Variants in SGIP1 observed in about 807,000 individuals in gnomAD.
SGIP1 encodes the protein SH3-containing GRB2-like protein 3-interacting protein 1.
A neutral mutation model predicts 107.5 loss-of-function variants in SGIP1; 38 were observed. The observed-to-expected ratio is 0.35, with a 90% CI of 0.27 to 0.46. SGIP1 has a LOEUF of 0.46. Ranked by LOEUF, SGIP1 falls within the 20% of genes least tolerant of loss-of-function variation. The pLI is 1.00. For missense variants in SGIP1, 929 were observed against 1,019.5 expected (o/e 0.91, Z 1.21); for synonymous variants, 365 against 366.1 (o/e 1.00, Z 0.03).
intron 2 of SGIP1, among the ~76,000 whole-genome samples, chr1:66,631,372 A>C (rs2074648179): frequency 6.6e-6 from 1 of 152,170 alleles, no homozygotes; most frequent in African/African-American, 2.4e-5. Context: ...AATTTTTTCA[A>C]ACTGGTTAAT....
At position 66,745,705 on chromosome 1, in the gene SGIP1, C is replaced by T. The variant is rs1319708385; in HGVS notation, c.*2610C>T. ...AAGAAATTGTTCTAGTTAACCAGAA[C>T]ACCATTTCCTGAACGTTATGATCTT... On this transcript the variant is annotated 3_prime_UTR_variant, in exon 25 of 25. Transcript: ENST00000371037. 3 of 152,044 alleles carry T rather than the reference C, an allele frequency of 2.0e-5. No individual in the cohort carries two copies. The highest frequency in any genetic ancestry group is 7.2e-5 in the African/African-American group (3 of 41,432). The allele number at this position is 152,044 out of a possible 1,614,324, so 9.4% of individuals were successfully genotyped here. A position where few individuals can be genotyped will look rare whatever the true frequency, so the allele number is the denominator to read the frequency against.
intron 1 of SGIP1, among the ~76,000 whole-genome samples, chr1:66,538,252 T>C (rs1053249758): frequency 1.3e-5 from 2 of 152,120 alleles, no homozygotes; most frequent in African/African-American, 4.8e-5. Flanking sequence ...AGCTGTTCAT[T>C]TTGTATTTAG....
chr1:66,748,144 T>A lies in SGIP1; in HGVS notation c.*5049T>A, dbSNP rs1466578141. 2 of 152,006 alleles carry A rather than the reference T, an allele frequency of 1.3e-5. No individual in the cohort carries two copies. Among genetic ancestry groups the A allele is most frequent in the Non-Finnish European group, 2.9e-5 (2 of 67,864 alleles). 9.4% of individuals were successfully genotyped at this position (152,006 alleles called of 1,614,324 possible). A position where few individuals can be genotyped will look rare whatever the true frequency, so the allele number is the denominator to read the frequency against. On this transcript the variant is annotated 3_prime_UTR_variant, in exon 25 of 25. Coordinates refer to ENST00000371037, the MANE Select transcript of SGIP1 (RefSeq NM_032291.4). ...ATTTTCCCTGCTCCTTTAGGCTTTT[T>A]TTTCATGTGGAAAACAGTATCTAAA...
intron 1 of SGIP1, among the ~76,000 whole-genome samples, chr1:66,600,557 T>C (rs982651655): frequency 6.6e-6 from 1 of 152,174 alleles, no homozygotes; most frequent in African/African-American, 2.4e-5. Context: ...GGAGTTTTGC[T>C]GGGTGAACAT....
chr1:66,631,105 A>T (rs2149379825), intron 2 of SGIP1, among the ~76,000 whole-genome samples: 1 of 150,234 alleles, frequency 6.7e-6, no homozygotes, highest in East Asian at 2.0e-4. Context: ...GAAAGAAAAA[A>T]AGAAAGACTG....
rs1207408964 is a variant in SGIP1, at chr1:66,589,204, A to ATGTGTGTGTGTGTG, written c.11-36642_11-36641insGTGTGTGTGTGTGT. On this transcript the variant is annotated intron_variant, in intron 1 of 24. Coordinates refer to ENST00000371037, the MANE Select transcript of SGIP1 (RefSeq NM_032291.4). ...TATATATATATATATATATATATAT[A>ATGTGTGTGTGTGTG]TATATATATATATGTAAGGCTTGGG... Among the ~76,000 whole-genome samples the ATGTGTGTGTGTGTG allele has an allele frequency of 1.3e-3, 75 of 57,498 alleles. 2 individuals are homozygous for ATGTGTGTGTGTGTG. The highest frequency in any genetic ancestry group is 8.9e-3 in the Middle Eastern group (1 of 112). The allele number at this position is 57,498 out of a possible 152,430, so 37.7% of individuals were successfully genotyped here.
At chr1:66,663,783 T>C (rs2081992734) in intron 8 of SGIP1, among the ~76,000 whole-genome samples, 1 of 152,204 alleles carries the variant, frequency 6.6e-6, no homozygotes, top group South Asian at 2.1e-4. Flanking sequence ...AATTAAACCT[T>C]GAACTTGTGA....
chr1:66,554,655 T>A (rs2057920617), intron 1 of SGIP1, among the ~76,000 whole-genome samples: 1 of 152,140 alleles, frequency 6.6e-6, no homozygotes, highest in Non-Finnish European at 1.5e-5. Flanking sequence ...GGTATGTATA[T>A]AAAACATAAA....
chr1:66,738,280 C>G (rs928021734), intron 21 of SGIP1, among the ~76,000 whole-genome samples: 1 of 152,152 alleles, frequency 6.6e-6, no homozygotes, highest in Non-Finnish European at 1.5e-5. Flanking sequence ...CCTTCAGGAC[C>G]CTTCTCCATG....
intron 15 of SGIP1, among the ~76,000 whole-genome samples, chr1:66,686,882 A>T (rs1347834813): frequency 6.6e-6 from 1 of 152,250 alleles, no homozygotes; most frequent in African/African-American, 2.4e-5. Flanking sequence ...CATCACGGGT[A>T]TCTACTACTT....
At chr1:66,627,022 A>C (rs2072989732) in intron 2 of SGIP1, among the ~76,000 whole-genome samples, 1 of 152,164 alleles carries the variant, frequency 6.6e-6, no homozygotes, top group South Asian at 2.1e-4. Flanking sequence ...CATGAGATAA[A>C]ATATCTACTA....
At chr1:66,625,454 G>A (rs780111402) in intron 1 of SGIP1, among the ~76,000 whole-genome samples, 2 of 152,330 alleles carry the variant, frequency 1.3e-5, no homozygotes, top group Middle Eastern at 3.4e-3. Flanking sequence ...CATGATCCAT[G>A]TCTTGGCATT....
Position 66,643,546 on chromosome 1 carries a change from A to G in SGIP1, c.286A>G (p.Thr96Ala). Residue 96 changes from threonine (T) to alanine (A), a missense_variant and splice_region_variant, in exon 7 of 25, where the codon ACC (threonine) becomes GCC (alanine). By Grantham distance (58) the Thr-to-Ala change is moderately conservative. Transcript: ENST00000371037. ...ATGTATCTTTAACTGTGTTCTACCT[A>G]CCAAAGGAAAGCACTTTTATTCTTC... ...YSIRPEEPGSTKGKHFYSSSE... is the reference protein window; with the variant it reads ...YSIRPEEPGSAKGKHFYSSSE... 1 of 1,606,550 alleles carries G rather than the reference A, an allele frequency of 6.2e-7. No homozygotes were observed. The highest frequency in any genetic ancestry group is 8.5e-7 in the Non-Finnish European group (1 of 1,177,170).
intron 1 of SGIP1, among the ~76,000 whole-genome samples, chr1:66,608,995 T>TATATCCCACAGGGATGAAGGTCACTC (rs2067388385): frequency 6.6e-6 from 1 of 152,130 alleles, no homozygotes; most frequent in African/African-American, 2.4e-5. Context: ...TTTGGTCACT[T>TATATCCCACAGGGATGAAGGTCACTC]ATATCCCACA....
At chr1:66,599,640 A>G (rs1045239412) in intron 1 of SGIP1, among the ~76,000 whole-genome samples, 2 of 152,208 alleles carry the variant, frequency 1.3e-5, no homozygotes, top group Non-Finnish European at 2.9e-5. Context: ...GGGTGTATTT[A>G]TGCTGCCTTA....
rs1276668886 is a variant in SGIP1 at position 66,743,810 on chromosome 1, G to A, written c.*715G>A. The A allele has an allele frequency of 6.6e-6, 1 of 152,418 alleles. No individual in the cohort carries two copies. Among genetic ancestry groups the A allele is most frequent in the East Asian group, 1.9e-4 (1 of 5,198 alleles). 9.4% of individuals were successfully genotyped at this position (152,418 alleles called of 1,614,324 possible). A position where few individuals can be genotyped will look rare whatever the true frequency, so the allele number is the denominator to read the frequency against. ...AGGGCCTCTTATTTTTATAACTTGT[G>A]TAAAAAGGGAAAGCAATTCATATTT... On this transcript the variant is annotated 3_prime_UTR_variant, in exon 25 of 25. Transcript: ENST00000371037.
chr1:66,674,192 G>A (rs72918499), intron 12 of SGIP1, among the ~76,000 whole-genome samples: 3,318 of 151,962 alleles, frequency 0.022, 125 homozygotes, highest in African/African-American at 0.076. Context: ...AAAATAAAAT[G>A]CTACTGAAGA....
chr1:66,643,203 A>T (rs1459912838), intron 6 of SGIP1, among the ~76,000 whole-genome samples: 1 of 145,400 alleles, frequency 6.9e-6, no homozygotes, highest in Non-Finnish European at 1.5e-5. Context: ...TGATGCATTT[A>T]AAACTCATCG....
rs1419665487 is a variant in SGIP1, at chr1:66,706,294, A to G, written c.1630+10801A>G. On this transcript the variant is annotated intron_variant, in intron 18 of 24. Coordinates refer to ENST00000371037, the MANE Select transcript of SGIP1 (RefSeq NM_032291.4). ...ATCAAATATTTTTAATTTTGAATAT[A>G]TTTTATATTATACATAAAATATAAA... 6.8e-5 allele frequency among the ~76,000 whole-genome samples: 10 copies of G among 147,342 alleles called. No individual in the cohort carries two copies. The Admixed American group carries it at 6.8e-4, about 10-fold the overall frequency.
Sources: allele counts gnomAD v4.1 joint callset (sites outside exome capture counted in the v4.1 genomes callset), GRCh38; gene constraint gnomAD v4.1.1; transcripts MANE v1.5; gene names NCBI Gene and HGNC (gene_info 2026-07-23, HGNC 2026-07-21).